Variants in CCDC90B observed in about 807,000 individuals in gnomAD.
The protein encoded by CCDC90B is coiled-coil domain containing 90B, also known as coiled-coil domain-containing protein 90B, mitochondrial.
CCDC90B carries 24 observed loss-of-function variants against 37.0 expected under a neutral mutation model. The ratio of observed to expected loss-of-function variants is 0.65; its 90% CI spans 0.47 to 0.91. The LOEUF (loss-of-function observed/expected upper bound fraction) is 0.91, where lower values mean the gene tolerates loss of function less well. Among genes scored for constraint, CCDC90B ranks in the 40% least tolerant of loss-of-function variants. CCDC90B has a pLI of 0.00. For missense variants in CCDC90B, 319 were observed against 299.0 expected (o/e 1.07, Z -0.49); for synonymous variants, 113 against 101.1 (o/e 1.12, Z -0.71).
chr11:83,262,194 C>T (rs936153747), intron 8 of CCDC90B, among the ~76,000 whole-genome samples: 15 of 152,114 alleles, frequency 9.9e-5, no homozygotes, highest in African/African-American at 3.6e-4. Flanking sequence ...TAAATTATGT[C>T]ATTTAGAAAC....
intron 7 of CCDC90B, 118 bp downstream of exon 7, chr11:83,273,529 G>T: frequency 1.4e-6 from 1 of 699,728 alleles, no homozygotes; most frequent in Non-Finnish European, 2.2e-6. Flanking sequence ...CTATGAGGAA[G>T]CCAGAGACTC....
chr11:83,285,300 T>C, intron 1 of CCDC90B: 2 of 1,252,674 alleles, frequency 1.6e-6, no homozygotes, highest in Non-Finnish European at 2.1e-6. Flanking sequence ...TAAAGTTAGA[T>C]GTCTTCAGGA....
intron 3 of CCDC90B, among the ~76,000 whole-genome samples, chr11:83,276,653 T>C (rs142147216): frequency 0.012 from 1,893 of 152,320 alleles, 40 homozygotes; most frequent in African/African-American, 0.043. Context: ...CCAGCCTTAA[T>C]GTGGCTCTTA....
chr11:83,285,831 T>C, intron 1 of CCDC90B, 42 bp downstream of exon 1: 1 of 1,582,860 alleles, frequency 6.3e-7, no homozygotes, highest in Non-Finnish European at 8.6e-7. Flanking sequence ...ATCGTCTCCC[T>C]AGAGAGCACT....
Position 83,285,883 on chromosome 11 carries a change from G to A in CCDC90B, c.90C>T (p.Ala30=), listed in dbSNP as rs1328554197. The change falls in exon 1 of 9, where the codon GCC becomes GCT. Residue 30 remains alanine, a synonymous_variant. Transcript: ENST00000529689. The part of the protein sequence containing the change: ...VSRPRGHFSP[A]LRREFFTTTT... ...GACGCCTTGCCTCACCTCTCCGCAG[G>A]GCCGGCGAGAAATGCCCGCGGGGCC... The A allele has an allele frequency of 6.2e-7, 1 of 1,612,530 alleles. No individual in the cohort carries two copies. The highest frequency in any genetic ancestry group is 8.5e-7 in the Non-Finnish European group (1 of 1,179,762).
In CCDC90B at chr11:83,273,773, T is replaced by TA; in HGVS notation, c.540+19dup. ...AAAAAGGAGTAAGTAACCAAGAAAGTACATTTAAAAGAACATTACCATATC... is the reference window on the plus strand; with the variant it reads ...AAAAAGGAGTAAGTAACCAAGAAAGTAACATTTAAAAGAACATTACCATATC... On this transcript the variant is annotated intron_variant, in intron 6 of 8. Coordinates refer to ENST00000529689, the MANE Select transcript of CCDC90B (RefSeq NM_021825.5). 5 of 1,602,320 alleles carry TA rather than the reference T, an allele frequency of 3.1e-6. No homozygotes were observed. Among genetic ancestry groups the TA allele is most frequent in the Admixed American group, 1.7e-5 (1 of 58,052 alleles).
At chr11:83,285,204 T>C in intron 1 of CCDC90B, 1 of 1,285,798 alleles carries the variant, frequency 7.8e-7, no homozygotes, top group Non-Finnish European at 1.0e-6. Context: ...CTTAAAACGG[T>C]TTAAAAACTG....
intron 1 of CCDC90B, 193 bp downstream of exon 1, chr11:83,285,680 T>C (rs1179208799): frequency 7.1e-7 from 1 of 1,416,930 alleles, no homozygotes; most frequent in African/African-American, 1.4e-5. Flanking sequence ...AGGCAGTGCT[T>C]TCCTCAGTCC....
In CCDC90B at chr11:83,260,062, C is replaced by T. The variant is rs944768825; in HGVS notation, c.*1849G>A. ...CACCTTGTTTCTCCTTCCAGATTTA[C>T]AATTGGGCAAGTCACTTTACCTAGG... is the stretch of plus-strand genomic sequence containing the variant. On this transcript the variant is annotated 3_prime_UTR_variant, in exon 9 of 9. Coordinates refer to ENST00000529689, the MANE Select transcript of CCDC90B (RefSeq NM_021825.5). 7.9e-5 allele frequency: 12 copies of T among 152,230 alleles called. No individual in the cohort carries two copies. The highest frequency in any genetic ancestry group is 2.7e-4 in the African/African-American group (11 of 41,442). The allele number at this position is 152,230 out of a possible 1,614,324, so 9.4% of individuals were successfully genotyped here. A position where few individuals can be genotyped will look rare whatever the true frequency, so the allele number is the denominator to read the frequency against.
chr11:83,266,467 C>T (rs575302723), intron 7 of CCDC90B, among the ~76,000 whole-genome samples: 2 of 152,374 alleles, frequency 1.3e-5, no homozygotes, highest in Admixed American at 6.5e-5. Context: ...GTGCCTGGCT[C>T]AGCGGGTCCC....
chr11:83,267,043 C>T (rs1864322683), intron 7 of CCDC90B: 1 of 152,248 alleles, frequency 6.6e-6, no homozygotes, highest in Non-Finnish European at 1.5e-5. Flanking sequence ...GGAAAACTAA[C>T]AAACAGAAAG....
intron 3 of CCDC90B, among the ~76,000 whole-genome samples, chr11:83,275,420 C>A (rs936815179): frequency 2.6e-5 from 4 of 150,984 alleles, no homozygotes; most frequent in Non-Finnish European, 4.4e-5. Flanking sequence ...AAATCTGGAA[C>A]TTTTTGAGTG....
rs1266419443 is a variant in CCDC90B, at chr11:83,259,598, T to A, written c.*2313A>T. 2 of 152,188 alleles carry A rather than the reference T, an allele frequency of 1.3e-5. No individual in the cohort carries two copies. Among genetic ancestry groups the A allele is most frequent in the Non-Finnish European group, 2.9e-5 (2 of 68,040 alleles). The allele number at this position is 152,188 out of a possible 1,614,324, so 9.4% of individuals were successfully genotyped here. A position where few individuals can be genotyped will look rare whatever the true frequency, so the allele number is the denominator to read the frequency against. ...TTGTGAATATAACTAAGATGAAGAA[T>A]GAATAAACTAATATAGAGGCCTAAA... On this transcript the variant is annotated 3_prime_UTR_variant, in exon 9 of 9. Transcript: ENST00000529689.
chr11:83,263,877 T>C (rs1324390442), intron 8 of CCDC90B, among the ~76,000 whole-genome samples: 1 of 152,196 alleles, frequency 6.6e-6, no homozygotes, highest in Non-Finnish European at 1.5e-5. Flanking sequence ...CATCCACGGT[T>C]CAGCTGATGG....
intron 1 of CCDC90B, 74 bp downstream of exon 1, chr11:83,285,799 G>C (rs369193244): frequency 2.6e-6 from 4 of 1,524,376 alleles, no homozygotes; most frequent in Non-Finnish European, 3.5e-6. Flanking sequence ...CCGTTCGCTC[G>C]AGCAGGCGCG....
chr11:83,263,049 C>T (rs1191500671), intron 8 of CCDC90B, among the ~76,000 whole-genome samples: 1 of 152,022 alleles, frequency 6.6e-6, no homozygotes, highest in Non-Finnish European at 1.5e-5. Context: ...AACAGTGGAG[C>T]CGGGATTTAA....
chr11:83,264,888 C>T (rs1050698384), intron 8 of CCDC90B, among the ~76,000 whole-genome samples: 1 of 143,510 alleles, frequency 7.0e-6, no homozygotes, highest in Non-Finnish European at 1.5e-5. Context: ...TATTCTCACT[C>T]ATAGGTGGGA....
intron 3 of CCDC90B, among the ~76,000 whole-genome samples, chr11:83,278,197 C>T (rs758884871): frequency 4.6e-5 from 7 of 152,210 alleles, no homozygotes; most frequent in East Asian, 1.9e-4. Context: ...AAATAATATA[C>T]GAAAAGTACA....
rs191647222 is a variant in CCDC90B at position 83,278,708 on chromosome 11, T to C, written c.324+18A>G. 9 of 1,439,896 alleles carry C rather than the reference T, an allele frequency of 6.3e-6. No homozygotes were observed. Among genetic ancestry groups the C allele is most frequent in the African/African-American group, 1.4e-5 (1 of 71,392 alleles). The allele number at this position is 1,439,896 out of a possible 1,614,324, so 89.2% of individuals were successfully genotyped here. On this transcript the variant is annotated intron_variant, in intron 3 of 8. Coordinates refer to ENST00000529689, the MANE Select transcript of CCDC90B (RefSeq NM_021825.5). Reference sequence around the variant, plus strand: ...TGTCTAATGAAAGTATCAGAAGTGATAGTAATCAGTGTATTACCTGTTGAG... The same window carrying C: ...TGTCTAATGAAAGTATCAGAAGTGACAGTAATCAGTGTATTACCTGTTGAG...
Sources: gnomAD v4.1 joint callset for allele counts (sites outside exome capture counted in the v4.1 genomes callset) on GRCh38, gnomAD v4.1.1 for gene constraint, MANE v1.5 for transcripts, NCBI Gene and HGNC (gene_info 2026-07-23, HGNC 2026-07-21) for gene names.